The following PTAFR variants were observed in gnomAD, a reference collection of about 807,000 sequenced individuals.
PTAFR encodes platelet activating factor receptor.
A neutral mutation model predicts 14.7 loss-of-function variants in PTAFR; 8 were observed. That is an observed-to-expected ratio of 0.54 (90% CI 0.32 to 0.98). PTAFR has a LOEUF of 0.98. Among genes scored for constraint, PTAFR ranks in the 50% least tolerant of loss-of-function variants. The probability of loss-of-function intolerance (pLI) is 0.04; values close to 1 mark genes in which losing one functional copy is unlikely to be tolerated. For synonymous variants in PTAFR, 156 were observed against 176.5 expected, an observed-to-expected ratio of 0.88 and a Z score of 0.92; for missense variants, 337 against 451.2, an observed-to-expected ratio of 0.75 and a Z score of 2.29.
intron 1 of PTAFR, among the ~76,000 whole-genome samples, chr1:28,166,893 C>G (rs1305936489): frequency 6.6e-6 from 1 of 152,108 alleles, no homozygotes; most frequent in East Asian, 1.9e-4. Flanking sequence ...AGGAGGATAC[C>G]TTGAGCCCAG....
intron 1 of PTAFR, among the ~76,000 whole-genome samples, chr1:28,176,199 T>C (rs1646511117): frequency 6.6e-6 from 1 of 152,030 alleles, no homozygotes; most frequent in Non-Finnish European, 1.5e-5. Context: ...TCCCAGCACT[T>C]TGGGAGGCCG....
chr1:28,185,207 G>A (rs771196946), intron 1 of PTAFR, among the ~76,000 whole-genome samples: 4 of 152,142 alleles, frequency 2.6e-5, no homozygotes, highest in East Asian at 1.9e-4. Context: ...ATCTCCTTGA[G>A]TTTATTGCCA....
Position 28,173,608 on chromosome 1 carries a change from G to A in PTAFR, c.-39+2984C>T, listed in dbSNP as rs151046509. ...CGAGGCTGCAGTGAGGTGTGATCAC[G>A]CCACTGCATTCCAGCCTGCGTGACA... On this transcript the variant is annotated intron_variant, in intron 1 of 1. Coordinates refer to ENST00000373857, the MANE Select transcript of PTAFR (RefSeq NM_000952.5). Among the ~76,000 whole-genome samples, 8 of 149,140 alleles carry A rather than the reference G, an allele frequency of 5.4e-5. No homozygotes were observed. In the East Asian group the frequency reaches 1.4e-3, roughly 27 times the overall value.
At chr1:28,161,090 G>A (rs932980719) in intron 1 of PTAFR, among the ~76,000 whole-genome samples, 5 of 152,106 alleles carry the variant, frequency 3.3e-5, no homozygotes, top group Non-Finnish European at 5.9e-5. Context: ...ATGTTTACTA[G>A]AACATTCTTT....
upstream of PTAFR, among the ~76,000 whole-genome samples, chr1:28,177,442 T>C (rs530753171): frequency 6.5e-4 from 99 of 151,990 alleles, no homozygotes; most frequent in South Asian, 3.5e-3. Context: ...TTTGTAGAGA[T>C]AGGGTCTCCC....
chr1:28,157,777 T>C (rs1431221154), intron 1 of PTAFR, among the ~76,000 whole-genome samples: 1 of 151,884 alleles, frequency 6.6e-6, no homozygotes, highest in Non-Finnish European at 1.5e-5. Flanking sequence ...TACAGGCGCC[T>C]GCCACGACGC....
At chr1:28,186,330 A>T (rs866904805) in intron 1 of PTAFR, among the ~76,000 whole-genome samples, 3 of 131,638 alleles carry the variant, frequency 2.3e-5, no homozygotes, top group Non-Finnish European at 5.1e-5. Flanking sequence ...AAAGTTATTT[A>T]AAAAAAAAAC....
intron 1 of PTAFR, among the ~76,000 whole-genome samples, chr1:28,193,004 G>A (rs757689272): frequency 7.9e-5 from 12 of 152,138 alleles, no homozygotes; most frequent in African/African-American, 1.2e-4. Flanking sequence ...TGGGACCCCC[G>A]GCTCAGCTCT....
At chr1:28,157,301 G>C (rs1237045659) in intron 1 of PTAFR, among the ~76,000 whole-genome samples, 1 of 151,872 alleles carries the variant, frequency 6.6e-6, no homozygotes, top group Non-Finnish European at 1.5e-5. Flanking sequence ...TACCACACCA[G>C]CTAATTTTTG....
At chr1:28,153,733 C>A (rs1295211033) in intron 1 of PTAFR, among the ~76,000 whole-genome samples, 1 of 151,778 alleles carries the variant, frequency 6.6e-6, no homozygotes, top group African/African-American at 2.4e-5. Flanking sequence ...ACTAAAAATA[C>A]AAAAATTAGC....
chr1:28,163,318 C>A (rs1483225007), intron 1 of PTAFR, among the ~76,000 whole-genome samples: 4 of 152,204 alleles, frequency 2.6e-5, no homozygotes, highest in Non-Finnish European at 2.9e-5. Flanking sequence ...GTGGCTGTTT[C>A]CTTGTCAGAC....
At chr1:28,153,836 C>T (rs892072328) in intron 1 of PTAFR, among the ~76,000 whole-genome samples, 4 of 150,434 alleles carry the variant, frequency 2.7e-5, no homozygotes, top group African/African-American at 4.9e-5. Context: ...TGCAGTAAGC[C>T]GAGATTGTGC....
intron 1 of PTAFR, among the ~76,000 whole-genome samples, chr1:28,154,831 A>AAAAT (rs1553164371): frequency 1.9e-5 from 1 of 53,566 alleles, no homozygotes. Context: ...AAAAAAAAAA[A>AAAAT]GTGGGGGGGG....
intron 1 of PTAFR, among the ~76,000 whole-genome samples, chr1:28,167,633 ATTTTTTTTT>A (rs780344665): frequency 1.7e-4 from 14 of 80,232 alleles, no homozygotes; most frequent in African/African-American, 2.8e-4. Context: ...TGAAAACGGG[ATTTTTTTTT>A]TTTTTTTTTT....
At chr1:28,192,678 C>T (rs915697706) in intron 1 of PTAFR, among the ~76,000 whole-genome samples, 15 of 150,752 alleles carry the variant, frequency 1.0e-4, no homozygotes, top group South Asian at 4.2e-4. Flanking sequence ...GACAGAGTCT[C>T]GCTCTGTGCC....
At chr1:28,175,856 G>GA (rs1246246417) in intron 1 of PTAFR, among the ~76,000 whole-genome samples, 2 of 152,236 alleles carry the variant, frequency 1.3e-5, no homozygotes, top group Non-Finnish European at 2.9e-5. Context: ...ACTGCACAGA[G>GA]ATGGAGCGTA....
In PTAFR at chr1:28,150,507, C is replaced by T. The variant is rs374698908; in HGVS notation, c.515G>A (p.Arg172His). ...PDSAGSGNVT[R>H]CFEHYEKGSV... ...GCCCTTCTCGTAATGCTCAAAGCAG[C>T]GAGTGACGTTGCCTGAGCCAGCACT... Residue 172 changes from arginine (R) to histidine (H), a missense_variant, in exon 2 of 2, where the codon CGC becomes CAC. Arg to His is a conservative substitution (Grantham distance 29). Transcript: ENST00000373857. The surrounding 1 kb of genome is among the most constrained non-coding windows in gnomAD (Gnocchi z 6.3). The T allele has an allele frequency of 2.8e-5, 45 of 1,614,056 alleles. No homozygotes were observed. The highest frequency in any genetic ancestry group is 3.6e-5 in the Non-Finnish European group (42 of 1,180,038).
At chr1:28,168,405 G>A (rs1646415656) in intron 1 of PTAFR, among the ~76,000 whole-genome samples, 1 of 152,098 alleles carries the variant, frequency 6.6e-6, no homozygotes, top group African/African-American at 2.4e-5. Flanking sequence ...TACATACAAT[G>A]GAATATTACT....
At chr1:28,168,638 A>T (rs968091753) in intron 1 of PTAFR, among the ~76,000 whole-genome samples, 1 of 152,196 alleles carries the variant, frequency 6.6e-6, no homozygotes, top group Non-Finnish European at 1.5e-5. Context: ...CAACAGATGT[A>T]GAGTTTCAGT....
Sources: gnomAD v4.1 joint callset for allele counts (sites outside exome capture counted in the v4.1 genomes callset) on GRCh38, gnomAD v4.1.1 for gene constraint, Gnocchi (gnomAD v3.1) non-coding constraint, MANE v1.5 for transcripts, NCBI Gene and HGNC (gene_info 2026-07-23, HGNC 2026-07-21) for gene names.